Variants in COL5A2 observed in about 807,000 individuals in gnomAD.
COL5A2 encodes the protein collagen alpha-2(V) chain.
In COL5A2, 23 loss-of-function variants were observed where a neutral mutation model predicts 208.2. The ratio of observed to expected loss-of-function variants is 0.11; its 90% CI spans 0.08 to 0.16. COL5A2 has a LOEUF of 0.16. Among genes scored for constraint, COL5A2 ranks in the 10% least tolerant of loss-of-function variants. The pLI, the probability that COL5A2 is intolerant of heterozygous loss-of-function variation, is 1.00. For missense variants in COL5A2, 1,590 were observed against 1,956.4 expected, an observed-to-expected ratio of 0.81 and a Z score of 3.53; for synonymous variants, 625 against 628.5, an observed-to-expected ratio of 0.99 and a Z score of 0.08.
chr2:189,303,257 A>T, the COL5A2 span, among the ~76,000 whole-genome samples: 124 of 152,310 alleles, frequency 8.1e-4, no homozygotes, highest in South Asian at 0.024. Flanking sequence ...TGGAAATCCT[A>T]GACATTCCTC....
chr2:189,187,980 T>A (rs1553526349), intron 1 of COL5A2, among the ~76,000 whole-genome samples: 3 of 80,574 alleles, frequency 3.7e-5, no homozygotes, highest in Non-Finnish European at 6.5e-5. Context: ...AAAAAAAAAG[T>A]TACTATTAAA....
chr2:189,224,376 G>A (rs1214875697), intron 1 of COL5A2, among the ~76,000 whole-genome samples: 1 of 151,978 alleles, frequency 6.6e-6, no homozygotes, highest in Non-Finnish European at 1.5e-5. Context: ...AAATATGAAA[G>A]AGGAAACTAT....
At chr2:189,091,462 A>G (rs1686783090) in intron 7 of COL5A2, among the ~76,000 whole-genome samples, 1 of 152,192 alleles carries the variant, frequency 6.6e-6, no homozygotes, top group Admixed American at 6.5e-5. Flanking sequence ...CACCCTTATT[A>G]GTCAGCAACT....
chr2:189,113,107 T>C (rs1201761301), intron 1 of COL5A2, among the ~76,000 whole-genome samples: 9 of 152,306 alleles, frequency 5.9e-5, no homozygotes, highest in Middle Eastern at 3.4e-3. Flanking sequence ...TAAGTGCATA[T>C]GTGCCTAGTA....
chr2:189,068,119 A>C lies in COL5A2; in HGVS notation c.1303-6T>G. On this transcript the variant is annotated splice_polypyrimidine_tract_variant and splice_region_variant and intron_variant, in intron 20 of 53. Coordinates refer to ENST00000374866, the MANE Select transcript of COL5A2 (RefSeq NM_000393.5). ...CCAGAGGTACCTGGAGAGCCCTATT[A>C]AACAGCAAGAGTGATGTGGTAAGTA... 1.2e-6 allele frequency: 2 copies of C among 1,611,396 alleles called. No individual in the cohort carries two copies. The highest frequency in any genetic ancestry group is 1.7e-6 in the Non-Finnish European group (2 of 1,177,520).
At chr2:189,271,727 A>G in the COL5A2 span, among the ~76,000 whole-genome samples, 1 of 152,224 alleles carries the variant, frequency 6.6e-6, no homozygotes, top group African/African-American at 2.4e-5. Context: ...CAGGCAACCT[A>G]CAGAATAGGA....
chr2:189,264,225 A>G, the COL5A2 span, among the ~76,000 whole-genome samples: 1 of 152,100 alleles, frequency 6.6e-6, no homozygotes, highest in Non-Finnish European at 1.5e-5. Context: ...AAGAGATAAT[A>G]TTATAAAATT....
the COL5A2 span, among the ~76,000 whole-genome samples, chr2:189,385,374 TAAAAGACACGTAC>T: frequency 6.6e-6 from 1 of 152,152 alleles, no homozygotes; most frequent in South Asian, 2.1e-4. Flanking sequence ...ATCCTATTTA[TAAAAGACACGTAC>T]AAAAAAACCT....
At chr2:189,078,723 A>T (rs1456235830) in intron 15 of COL5A2, among the ~76,000 whole-genome samples, 154 bp from the exon 16 acceptor site, 1 of 152,198 alleles carries the variant, frequency 6.6e-6, no homozygotes, top group African/African-American at 2.4e-5. Flanking sequence ...AACTATCCCC[A>T]TGTGGAGATA....
At chr2:189,278,425 A>ACTG in the COL5A2 span, among the ~76,000 whole-genome samples, 1 of 152,110 alleles carries the variant, frequency 6.6e-6, no homozygotes, top group African/African-American at 2.4e-5. Context: ...TCAGTCAGTC[A>ACTG]AGAAAACGTA....
At chr2:189,357,501 C>T in the COL5A2 span, among the ~76,000 whole-genome samples, 1 of 152,130 alleles carries the variant, frequency 6.6e-6, no homozygotes, top group Non-Finnish European at 1.5e-5. Context: ...TTCCCAGTGG[C>T]TTTGTTTACA....
At chr2:189,070,617 T>A (rs1686253495) in intron 18 of COL5A2, among the ~76,000 whole-genome samples, 1 of 152,190 alleles carries the variant, frequency 6.6e-6, no homozygotes, top group Non-Finnish European at 1.5e-5. Flanking sequence ...TAAACTATGA[T>A]TGCTAGTGAA....
chr2:189,436,496 C>A, the COL5A2 span, among the ~76,000 whole-genome samples: 13 of 151,980 alleles, frequency 8.6e-5, no homozygotes, highest in Non-Finnish European at 1.6e-4. Flanking sequence ...GCACATTGTG[C>A]ACATGTACCC....
the COL5A2 span, among the ~76,000 whole-genome samples, chr2:189,319,412 A>G: frequency 6.6e-6 from 1 of 152,246 alleles, no homozygotes; most frequent in Non-Finnish European, 1.5e-5. Flanking sequence ...ATTCCCTTTC[A>G]TAGCCAAGCA....
chr2:189,362,194 C>A, the COL5A2 span, among the ~76,000 whole-genome samples: 15 of 152,138 alleles, frequency 9.9e-5, no homozygotes, highest in African/African-American at 3.4e-4. Flanking sequence ...CATCTTGAAT[C>A]TTTTGAAAAA....
At chr2:189,278,893 A>G in the COL5A2 span, among the ~76,000 whole-genome samples, 3 of 151,886 alleles carry the variant, frequency 2.0e-5, no homozygotes, top group African/African-American at 7.2e-5. Context: ...TGTTTTCATA[A>G]CTATCATCTC....
chr2:189,041,376 T>G (rs954978509), intron 50 of COL5A2, among the ~76,000 whole-genome samples: 5 of 152,220 alleles, frequency 3.3e-5, no homozygotes, highest in Non-Finnish European at 7.3e-5. Flanking sequence ...ATTATGTTAA[T>G]GTCTGGGTAG....
chr2:189,211,938 A>C (rs1689217938), intron 1 of COL5A2, among the ~76,000 whole-genome samples: 1 of 152,222 alleles, frequency 6.6e-6, no homozygotes, highest in East Asian at 1.9e-4. Flanking sequence ...TGTGCAAAAG[A>C]AAGCAAGGAA....
At chr2:189,038,010 C>T (rs2153506299) in intron 51 of COL5A2, among the ~76,000 whole-genome samples, 1 of 152,022 alleles carries the variant, frequency 6.6e-6, no homozygotes, top group South Asian at 2.1e-4. Context: ...TAGGATATAT[C>T]ATCTATTATA....
Sources: gnomAD v4.1 joint callset for allele counts (sites outside exome capture counted in the v4.1 genomes callset) on GRCh38, gnomAD v4.1.1 for gene constraint, MANE v1.5 for transcripts, NCBI Gene and HGNC (gene_info 2026-07-23, HGNC 2026-07-21) for gene names.